Variants in WDR1 observed in about 807,000 individuals in gnomAD.
The protein encoded by WDR1 is WD repeat-containing protein 1.
WDR1 carries 21 observed loss-of-function variants against 71.9 expected under a neutral mutation model. The observed-to-expected ratio is 0.29, with a 90% CI of 0.21 to 0.42. The LOEUF (loss-of-function observed/expected upper bound fraction) is 0.42, where lower values mean the gene tolerates loss of function less well. Ranked by LOEUF, WDR1 falls within the 10% of genes least tolerant of loss-of-function variation. The pLI is 1.00. For missense variants in WDR1, 696 were observed against 824.5 expected (o/e 0.84, Z 1.91); for synonymous variants, 424 against 347.4 (o/e 1.22, Z -2.45).
chr4:10,106,183 C>T (rs1309267264), intron 2 of WDR1, among the ~76,000 whole-genome samples: 1 of 152,114 alleles, frequency 6.6e-6, no homozygotes, highest in East Asian at 1.9e-4. Context: ...GCTTATGGGA[C>T]TATATAGGTC....
intron 2 of WDR1, among the ~76,000 whole-genome samples, chr4:10,107,105 C>T (rs555399219): frequency 1.3e-5 from 2 of 152,296 alleles, no homozygotes; most frequent in South Asian, 2.1e-4. Flanking sequence ...AGCCCCAGTG[C>T]TACTGTAGGC....
intron 5 of WDR1, chr4:10,096,613 GTC>G (rs1712366236): frequency 6.6e-6 from 1 of 152,256 alleles, no homozygotes; most frequent in African/African-American, 2.4e-5. Context: ...GCCAAGAACA[GTC>G]TCTGGAAATT....
intron 3 of WDR1, 120 bp downstream of exon 3, chr4:10,103,776 T>TCTCCCCCCCCCCCCCCCCCCCCCCC: frequency 5.6e-6 from 1 of 180,008 alleles, no homozygotes; most frequent in Non-Finnish European, 1.1e-5. Flanking sequence ...CCCAGCCTGC[T>TCTCCCCCCCCCCCCCCCCCCCCCCC]CCCCCACCCC....
chr4:10,084,604 C>G (rs890146179), intron 8 of WDR1, 74 bp from the exon 9 acceptor site: 1 of 1,454,276 alleles, frequency 6.9e-7, no homozygotes, highest in African/African-American at 1.4e-5. Context: ...TTTCCACCAA[C>G]GAAGCTTCTG....
intron 7 of WDR1, 61 bp downstream of exon 7, chr4:10,088,232 G>GA: frequency 2.1e-6 from 3 of 1,458,698 alleles, no homozygotes; most frequent in Non-Finnish European, 2.8e-6. Context: ...AGTGTGGATG[G>GA]ACTGACACGT....
intron 2 of WDR1, 90 bp downstream of exon 2, chr4:10,116,023 G>C (rs1168074239): frequency 6.6e-7 from 1 of 1,519,564 alleles, no homozygotes; most frequent in African/African-American, 1.4e-5. Flanking sequence ...CGGGCCAATG[G>C]GCAGGAGGTG....
chr4:10,088,760 C>G lies in WDR1; in HGVS notation c.559-19G>C, dbSNP rs760511249. ...TGTGGTCCTGCAGGAAAACAATTAC[C>G]TGCCTGATGAGGGGCCGCAGGCCTG... On this transcript the variant is annotated intron_variant, in intron 5 of 14. Coordinates refer to ENST00000499869, the MANE Select transcript of WDR1 (RefSeq NM_017491.5). 2 of 1,575,342 alleles carry G rather than the reference C, an allele frequency of 1.3e-6. No homozygotes were observed. The highest frequency in any genetic ancestry group is 1.8e-5 in the Admixed American group (1 of 55,022).
chr4:10,107,827 G>C (rs780668408), intron 2 of WDR1, among the ~76,000 whole-genome samples: 1 of 152,214 alleles, frequency 6.6e-6, no homozygotes, highest in Non-Finnish European at 1.5e-5. Context: ...ACTTCGGCAA[G>C]TGACAGCATG....
At chr4:10,086,057 G>A (rs1560532255) in intron 8 of WDR1, among the ~76,000 whole-genome samples, 1 of 152,188 alleles carries the variant, frequency 6.6e-6, no homozygotes, top group Admixed American at 6.5e-5. Flanking sequence ...CAACAGAAAC[G>A]GGACGGCAGA....
chr4:10,113,383 G>A (rs1213024662), intron 2 of WDR1, among the ~76,000 whole-genome samples: 1 of 152,166 alleles, frequency 6.6e-6, no homozygotes, highest in Non-Finnish European at 1.5e-5. Context: ...AAACCAAAGA[G>A]AAGACAGGGA....
intron 5 of WDR1, among the ~76,000 whole-genome samples, chr4:10,090,008 G>C (rs1711865303): frequency 6.6e-6 from 1 of 152,174 alleles, no homozygotes; most frequent in Non-Finnish European, 1.5e-5. Context: ...TTTTAAGAGG[G>C]AAATCTGGAC....
At chr4:10,101,029 C>A (rs937052181) in intron 3 of WDR1, among the ~76,000 whole-genome samples, 2 of 152,262 alleles carry the variant, frequency 1.3e-5, no homozygotes, top group African/African-American at 2.4e-5. Flanking sequence ...CTCCAGGAAG[C>A]CTGCCCTGGG....
rs201161346 is a variant in WDR1, at chr4:10,097,780, G to C, written c.489C>G (p.Ala163=). The change falls in exon 5 of 15, where the codon GCC becomes GCG. Residue 163 remains alanine, a synonymous_variant. Coordinates refer to ENST00000499869, the MANE Select transcript of WDR1 (RefSeq NM_017491.5). ...CCGCGCAGTTATCATCGCTTCCCGTGGCCAGCCGGTATGGCCGGCTCTGCT... is the reference window on the plus strand; with the variant it reads ...CCGCGCAGTTATCATCGCTTCCCGTCGCCAGCCGGTATGGCCGGCTCTGCT... ...DIKQSRPYRL[A]TGSDDNCAAF... is the part of the protein sequence containing the mutation. 1.2e-4 allele frequency: 190 copies of C among 1,613,700 alleles called. No individual in the cohort carries two copies. Among genetic ancestry groups the C allele is most frequent in the Non-Finnish European group, 1.5e-4 (180 of 1,179,834 alleles).
At chr4:10,082,119 G>A (rs748244288) in intron 10 of WDR1, among the ~76,000 whole-genome samples, 2 of 152,216 alleles carry the variant, frequency 1.3e-5, no homozygotes, top group Non-Finnish European at 2.9e-5. Context: ...TCACCACAGG[G>A]CAGTAGAAAG....
At chr4:10,115,526 G>A (rs1183037444) in intron 2 of WDR1, among the ~76,000 whole-genome samples, 1 of 152,238 alleles carries the variant, frequency 6.6e-6, no homozygotes, top group Non-Finnish European at 1.5e-5. Flanking sequence ...TTAACAGCGA[G>A]TTAGCTGAGT....
chr4:10,093,230 C>CCTGT (rs1333878357), intron 5 of WDR1: 33 of 1,096,346 alleles, frequency 3.0e-5, no homozygotes, highest in Non-Finnish European at 3.9e-5. Flanking sequence ...CTCAGCTGAC[C>CCTGT]CTGTACACAA....
chr4:10,109,653 C>G (rs1373858176), intron 2 of WDR1, among the ~76,000 whole-genome samples: 1 of 152,246 alleles, frequency 6.6e-6, no homozygotes, highest in Non-Finnish European at 1.5e-5. Flanking sequence ...AGCAGCACCC[C>G]TCATTGGACT....
At chr4:10,110,989 T>C (rs991470812) in intron 2 of WDR1, among the ~76,000 whole-genome samples, 29 of 151,188 alleles carry the variant, frequency 1.9e-4, no homozygotes, top group Admixed American at 1.9e-3. Context: ...TTAGTGAACA[T>C]GTGTGGGAAA....
intron 2 of WDR1, among the ~76,000 whole-genome samples, chr4:10,110,462 A>T (rs961964806): frequency 8.5e-5 from 13 of 152,276 alleles, no homozygotes; most frequent in African/African-American, 2.9e-4. Context: ...CAAGAAATGT[A>T]CCAAAAGCAA....
Sources: allele counts gnomAD v4.1 joint callset (sites outside exome capture counted in the v4.1 genomes callset), GRCh38; gene constraint gnomAD v4.1.1; transcripts MANE v1.5; gene names NCBI Gene and HGNC (gene_info 2026-07-23, HGNC 2026-07-21).